The following NEGR1 variants were observed in gnomAD, a reference collection of about 807,000 sequenced individuals.
NEGR1 encodes the protein IgLON family member 4.
In NEGR1, 10 loss-of-function variants were observed where a neutral mutation model predicts 40.9. The observed-to-expected ratio is 0.24, with a 90% CI of 0.15 to 0.42. NEGR1 has a LOEUF of 0.42. Ranked by LOEUF, NEGR1 falls within the 10% of genes least tolerant of loss-of-function variation. The pLI is 1.00. For synonymous variants in NEGR1, 185 were observed against 166.8 expected, an observed-to-expected ratio of 1.11 and a Z score of -0.84; for missense variants, 352 against 438.9, an observed-to-expected ratio of 0.80 and a Z score of 1.77.
chr1:72,218,409 C>A (rs565675553), intron 1 of NEGR1, among the ~76,000 whole-genome samples: 390 of 151,976 alleles, frequency 2.6e-3, no homozygotes, highest in Non-Finnish European at 3.5e-3. Context: ...AAAATAAGCT[C>A]AATAAAATTA....
intron 6 of NEGR1, among the ~76,000 whole-genome samples, chr1:71,441,316 C>G (rs1646545858): frequency 6.6e-6 from 1 of 152,198 alleles, no homozygotes; most frequent in South Asian, 2.1e-4. Flanking sequence ...TTTTAGCTTT[C>G]CTTCTTCCAT....
At chr1:71,418,972 C>A (rs534815286) in intron 6 of NEGR1, among the ~76,000 whole-genome samples, 25 of 152,180 alleles carry the variant, frequency 1.6e-4, no homozygotes, top group Non-Finnish European at 2.8e-4. Flanking sequence ...CTTACATCTT[C>A]TCATTACATT....
chr1:72,197,554 T>G (rs1326023816), intron 1 of NEGR1, among the ~76,000 whole-genome samples: 1 of 152,020 alleles, frequency 6.6e-6, no homozygotes, highest in African/African-American at 2.4e-5. Context: ...CATTCATAAA[T>G]TGATTAACAA....
chr1:71,989,662 C>G (rs887038949), intron 1 of NEGR1, among the ~76,000 whole-genome samples: 6 of 152,118 alleles, frequency 3.9e-5, no homozygotes, highest in Non-Finnish European at 7.3e-5. Flanking sequence ...CCATAAATTG[C>G]ACCAGTAAGT....
chr1:71,945,729 T>C (rs1008312638), intron 1 of NEGR1, among the ~76,000 whole-genome samples: 12 of 152,192 alleles, frequency 7.9e-5, no homozygotes, highest in Non-Finnish European at 1.5e-4. Flanking sequence ...ACCATATTCC[T>C]AGTTTACTAG....
chr1:72,274,648 C>T (rs1490103411), intron 1 of NEGR1: 3 of 858,128 alleles, frequency 3.5e-6, no homozygotes, highest in Non-Finnish European at 6.1e-6. Context: ...ATTTGCAAGG[C>T]TAAGTGCTAT....
intron 1 of NEGR1, among the ~76,000 whole-genome samples, chr1:72,128,794 G>C (rs1326664370): frequency 6.6e-6 from 1 of 152,104 alleles, no homozygotes; most frequent in South Asian, 2.1e-4. Context: ...GGGTATGCCC[G>C]TGATGGTGTT....
At chr1:71,513,866 C>A (rs940811658) in intron 6 of NEGR1, among the ~76,000 whole-genome samples, 1 of 149,090 alleles carries the variant, frequency 6.7e-6, no homozygotes, top group East Asian at 2.0e-4. Flanking sequence ...AGTGTGTGTG[C>A]GCACCGTGCG....
intron 6 of NEGR1, among the ~76,000 whole-genome samples, chr1:71,573,785 T>C (rs1442075253): frequency 6.6e-6 from 1 of 152,204 alleles, no homozygotes; most frequent in South Asian, 2.1e-4. Flanking sequence ...AAAGACTCTC[T>C]AGACTTTTGA....
At chr1:71,479,149 A>T (rs923210709) in intron 6 of NEGR1, among the ~76,000 whole-genome samples, 1 of 152,056 alleles carries the variant, frequency 6.6e-6, no homozygotes, top group Non-Finnish European at 1.5e-5. Flanking sequence ...TTACAGAAAT[A>T]GCATAAAGAA....
At chr1:71,900,638 C>T (rs919046307) in intron 2 of NEGR1, among the ~76,000 whole-genome samples, 31 of 151,974 alleles carry the variant, frequency 2.0e-4, no homozygotes, top group East Asian at 3.9e-4. Flanking sequence ...CTCCAATTAA[C>T]GTAGGAAAAT....
chr1:71,661,083 C>G (rs1379139197), intron 4 of NEGR1, among the ~76,000 whole-genome samples: 1 of 152,182 alleles, frequency 6.6e-6, no homozygotes, highest in African/African-American at 2.4e-5. Context: ...GCCACATTTT[C>G]TTTATCCAGT....
intron 2 of NEGR1, among the ~76,000 whole-genome samples, chr1:71,833,494 A>T (rs1002045134): frequency 6.6e-6 from 1 of 151,996 alleles, no homozygotes; most frequent in Admixed American, 6.6e-5. Context: ...TTCTGGGGGG[A>T]AAAAAGTATT....
intron 6 of NEGR1, among the ~76,000 whole-genome samples, chr1:71,568,791 G>A (rs1648708641): frequency 8.7e-6 from 1 of 115,158 alleles, no homozygotes; most frequent in African/African-American, 3.1e-5. Flanking sequence ...TAAGAATTAT[G>A]TTTTATATGT....
chr1:71,684,614 A>C (rs1377353086), intron 4 of NEGR1, among the ~76,000 whole-genome samples: 3 of 152,224 alleles, frequency 2.0e-5, no homozygotes, highest in African/African-American at 7.2e-5. Context: ...TTCTATATGT[A>C]GAGTCTCTTT....
At chr1:72,149,952 C>G (rs1651060838) in intron 1 of NEGR1, among the ~76,000 whole-genome samples, 1 of 150,280 alleles carries the variant, frequency 6.7e-6, no homozygotes, top group African/African-American at 2.4e-5. Context: ...GACAAGTATC[C>G]TTATATAGTA....
rs201637969 is a variant in NEGR1 at position 71,987,070 on chromosome 1, C to CT, written c.177-51760dup. 5.6e-3 allele frequency among the ~76,000 whole-genome samples: 855 copies of CT among 151,664 alleles called. 6 individuals are homozygous for CT. The Middle Eastern group carries it at 0.075, about 13-fold the overall frequency. ...TGAGCAAGAGATTTCCAGGGAGAAA[C>CT]TTTTTTTTTCTGTCTGTGGAATCAC... On this transcript the variant is annotated intron_variant, in intron 1 of 6. Coordinates refer to ENST00000357731, the MANE Select transcript of NEGR1 (RefSeq NM_173808.3).
chr1:71,872,352 A>G (rs1219322200), intron 2 of NEGR1, among the ~76,000 whole-genome samples: 1 of 152,134 alleles, frequency 6.6e-6, no homozygotes, highest in African/African-American at 2.4e-5. Context: ...TATTCTAGGA[A>G]TTAAAGGAGT....
At chr1:71,546,492 A>G (rs1647900268) in intron 6 of NEGR1, among the ~76,000 whole-genome samples, 1 of 151,746 alleles carries the variant, frequency 6.6e-6, no homozygotes, top group South Asian at 2.1e-4. Flanking sequence ...GAAGGCATAT[A>G]GGTGTTTAAA....
Sources: gnomAD v4.1 joint callset for allele counts (sites outside exome capture counted in the v4.1 genomes callset) on GRCh38, gnomAD v4.1.1 for gene constraint, MANE v1.5 for transcripts, NCBI Gene and HGNC (gene_info 2026-07-23, HGNC 2026-07-21) for gene names.